SMIM36: variants seen among roughly 807,000 people sequenced by gnomAD.
SMIM36 encodes small integral membrane protein 36.
chr17:55,482,290 C>A (rs983692867), intron 1 of SMIM36, among the ~76,000 whole-genome samples: 12 of 152,158 alleles, frequency 7.9e-5, no homozygotes, highest in Non-Finnish European at 1.6e-4. Flanking sequence ...ACTCCCACCG[C>A]ATCCACAACA....
chr17:55,492,248 T>C (rs201969422), intron 1 of SMIM36, among the ~76,000 whole-genome samples: 11 of 135,186 alleles, frequency 8.1e-5, no homozygotes, highest in East Asian at 4.5e-4. Context: ...CTTTCTTTTT[T>C]TTTTTTTTTT....
chr17:55,474,819 C>T (rs1909402442), intron 3 of SMIM36, among the ~76,000 whole-genome samples: 1 of 152,070 alleles, frequency 6.6e-6, no homozygotes, highest in African/African-American at 2.4e-5. Context: ...CCACTAGGAA[C>T]TATGTTGAAA....
the SMIM36 span, among the ~76,000 whole-genome samples, chr17:55,521,938 A>T: frequency 8.7e-5 from 13 of 150,048 alleles, no homozygotes; most frequent in South Asian, 8.4e-4. Flanking sequence ...TTTCTCCACC[A>T]CCCCTCACTT....
chr17:55,499,226 G>T (rs568099230), intron 1 of SMIM36, among the ~76,000 whole-genome samples: 2 of 152,218 alleles, frequency 1.3e-5, no homozygotes, highest in Admixed American at 1.3e-4. Context: ...AAATCTGAAA[G>T]TCCTTTGGAT....
At chr17:55,510,543 T>A (rs1910161808) in intron 1 of SMIM36, among the ~76,000 whole-genome samples, 1 of 152,118 alleles carries the variant, frequency 6.6e-6, no homozygotes, top group Non-Finnish European at 1.5e-5. Flanking sequence ...CAGTGAGCTA[T>A]GATCACGCTG....
rs188828702 is a variant in SMIM36, at chr17:55,467,034, A to C, written c.*531+111T>G. On this transcript the variant is annotated intron_variant, in intron 4 of 4. Transcript: ENST00000636752. ...CTGAGACAACATACAGAGGAACTGC[A>C]ATTCGTTACACTCACCAATTAAGTC... 5 of 152,374 alleles carry C rather than the reference A, an allele frequency of 3.3e-5. No individual in the cohort carries two copies. The East Asian group carries it at 9.6e-4, about 29-fold the overall frequency. 9.4% of individuals were successfully genotyped at this position (152,374 alleles called of 1,614,324 possible).
chr17:55,461,867 T>C (rs1001900896), intron 4 of SMIM36, among the ~76,000 whole-genome samples: 1 of 152,202 alleles, frequency 6.6e-6, no homozygotes, highest in African/African-American at 2.4e-5. Context: ...GATTCTGTAA[T>C]GTGGTTAGTC....
intron 1 of SMIM36, among the ~76,000 whole-genome samples, chr17:55,500,084 G>A (rs775942664): frequency 5.5e-4 from 83 of 151,180 alleles, no homozygotes; most frequent in Non-Finnish European, 2.1e-4. Flanking sequence ...GGAAGAAATC[G>A]CAATTTCTTC....
At chr17:55,452,598 C>G (rs1399740233) in intron 4 of SMIM36, among the ~76,000 whole-genome samples, 1 of 152,210 alleles carries the variant, frequency 6.6e-6, no homozygotes, top group African/African-American at 2.4e-5. Flanking sequence ...ACAGAAAGAT[C>G]CAGCTCTGCT....
At chr17:55,508,566 G>A (rs984395142) in intron 1 of SMIM36, among the ~76,000 whole-genome samples, 2 of 150,174 alleles carry the variant, frequency 1.3e-5, no homozygotes, top group African/African-American at 2.4e-5. Context: ...TAAAGGGTAG[G>A]TTCTTAGAAA....
chr17:55,509,405 A>G (rs113779790), intron 1 of SMIM36, among the ~76,000 whole-genome samples: 15 of 152,202 alleles, frequency 9.9e-5, no homozygotes, highest in African/African-American at 3.1e-4. Flanking sequence ...AAAAATAACT[A>G]CTTATCTTTT....
intron 1 of SMIM36, among the ~76,000 whole-genome samples, chr17:55,497,862 T>C (rs1350094042): frequency 6.6e-6 from 1 of 152,202 alleles, no homozygotes; most frequent in Non-Finnish European, 1.5e-5. Context: ...TAACTGACCC[T>C]AAAGAGCTTT....
chr17:55,514,144 C>T (rs918182815), upstream of SMIM36, among the ~76,000 whole-genome samples: 4 of 152,124 alleles, frequency 2.6e-5, 1 homozygote, highest in South Asian at 8.3e-4. Flanking sequence ...TGGGGCTAAC[C>T]TCACCCATCT....
At chr17:55,475,691 G>A (rs1020603294) in intron 3 of SMIM36, among the ~76,000 whole-genome samples, 37 of 152,264 alleles carry the variant, frequency 2.4e-4, no homozygotes, top group African/African-American at 7.9e-4. Flanking sequence ...TAATTACACT[G>A]AACCCCCTTG....
At chr17:55,456,639 C>CTA (rs1280339540) in intron 4 of SMIM36, among the ~76,000 whole-genome samples, 1 of 152,142 alleles carries the variant, frequency 6.6e-6, no homozygotes, top group Non-Finnish European at 1.5e-5. Context: ...GTTAAACAGT[C>CTA]TGTTTAAGGG....
chr17:55,468,984 C>T (rs1909293604), intron 3 of SMIM36, among the ~76,000 whole-genome samples: 1 of 152,148 alleles, frequency 6.6e-6, no homozygotes, highest in African/African-American at 2.4e-5. Flanking sequence ...GCATTCTTTA[C>T]ACGTCAGTCC....
intron 1 of SMIM36, among the ~76,000 whole-genome samples, chr17:55,495,261 A>G (rs1909788489): frequency 6.6e-6 from 1 of 152,168 alleles, no homozygotes; most frequent in Non-Finnish European, 1.5e-5. Flanking sequence ...ATGACCTTCA[A>G]CTCACCCTCT....
intron 1 of SMIM36, among the ~76,000 whole-genome samples, chr17:55,494,122 C>G (rs543611148): frequency 6.6e-6 from 1 of 152,108 alleles, no homozygotes; most frequent in Non-Finnish European, 1.5e-5. Flanking sequence ...ATCCTCTCTC[C>G]TTTTTCCCAT....
chr17:55,452,906 G>A (rs901121336), intron 4 of SMIM36, among the ~76,000 whole-genome samples: 1 of 152,176 alleles, frequency 6.6e-6, no homozygotes, highest in Non-Finnish European at 1.5e-5. Flanking sequence ...GAAGTAAGAT[G>A]CTCAGTGATC....
Sources: gnomAD v4.1 joint callset for allele counts (sites outside exome capture counted in the v4.1 genomes callset) on GRCh38, gnomAD v4.1.1 for gene constraint, MANE v1.5 for transcripts, NCBI Gene and HGNC (gene_info 2026-07-23, HGNC 2026-07-21) for gene names.